The following VCPIP1 variants were observed in gnomAD, a reference collection of about 807,000 sequenced individuals.
VCPIP1 encodes valosin containing protein interacting protein 1.
Under a neutral mutation model 85.0 loss-of-function variants are expected in VCPIP1, and 8 were observed. The ratio of observed to expected loss-of-function variants is 0.09; its 90% confidence interval spans 0.06 to 0.17. The LOEUF (loss-of-function observed/expected upper bound fraction) is 0.17. VCPIP1 is among the 10% of genes least tolerant of loss of function. The pLI is 1.00. For synonymous variants in VCPIP1, 543 were observed against 544.5 expected (o/e 1.00, Z 0.04); for missense variants, 1,070 against 1,486.3 (o/e 0.72, Z 4.61).
At chr8:66,637,466 A>G in intron 2 of VCPIP1, among the ~76,000 whole-genome samples, 1 of 138,036 alleles carries the variant, frequency 7.2e-6, no homozygotes. Flanking sequence ...GGCCTGGGCA[A>G]CAGAGCAAGA....
chr8:66,667,062 A>G lies in VCPIP1; in HGVS notation c.-104T>C. 7.1e-7 allele frequency: 1 copy of G among 1,410,248 alleles called. No individual in the cohort carries two copies. Among genetic ancestry groups the G allele is most frequent in the Non-Finnish European group, 9.2e-7 (1 of 1,085,576 alleles). The allele number at this position is 1,410,248 out of a possible 1,614,324, so 87.4% of individuals were successfully genotyped here. On this transcript the variant is annotated 5_prime_UTR_variant, in exon 1 of 3. Transcript: ENST00000310421. ...TCGGTCCAGTCCAGGCCCAGGGCGA[A>G]GCACTTTCCTTTCCCTACCAGCTCT...
rs768790959 is a variant in VCPIP1 at position 66,632,681 on chromosome 8, A to C, written c.*1820T>G. The C allele has an allele frequency of 4.6e-5, 7 of 152,158 alleles. No individual in the cohort carries two copies. The highest frequency in any genetic ancestry group is 2.1e-4 in the South Asian group (1 of 4,826). 9.4% of individuals were successfully genotyped at this position (152,158 alleles called of 1,614,324 possible). A position where few individuals can be genotyped will look rare whatever the true frequency, so the allele number is the denominator to read the frequency against. Reference sequence around the variant, plus strand: ...AGTTTTCCTGTATTTAAATCCCCCCAAAAAAAGTTCCAGTGGCTGAAAAAG... The same window carrying C: ...AGTTTTCCTGTATTTAAATCCCCCCCAAAAAAGTTCCAGTGGCTGAAAAAG... On this transcript the variant is annotated 3_prime_UTR_variant, in exon 3 of 3. Coordinates refer to ENST00000310421, the MANE Select transcript of VCPIP1 (RefSeq NM_025054.5).
chr8:66,649,362 A>C (rs1209917240), intron 2 of VCPIP1, among the ~76,000 whole-genome samples: 1 of 151,944 alleles, frequency 6.6e-6, no homozygotes, highest in African/African-American at 2.4e-5. Context: ...AATACAAAAA[A>C]TTAGCTGGGC....
At position 66,635,141 on chromosome 8, in the gene VCPIP1, C is replaced by A; in HGVS notation, c.3029G>T (p.Gly1010Val). 6.2e-7 allele frequency: 1 copy of A among 1,614,160 alleles called. No homozygotes were observed. Among genetic ancestry groups the A allele is most frequent in the Non-Finnish European group, 8.5e-7 (1 of 1,180,024 alleles). Residue 1010 changes from glycine to valine, a missense_variant, in exon 3 of 3, where the codon GGA becomes GTA. Gly to Val is a moderately radical substitution (Grantham distance 109, BLOSUM62 -3). Around this residue, in one of 8 missense-constraint regions of VCPIP1, gnomAD observed 255 missense variants for 289.5 expected, o/e 0.88. Transcript: ENST00000310421. ...SHGLLKLGSG[G>V]VVKKKSEQLH... is the part of the protein sequence containing the mutation. ...TTGCTCAGATTTCTTTTTCACTACT[C>A]CACCACTACCTAGTTTTAATAGCCC...
At chr8:66,652,438 A>G (rs1362293160) in intron 1 of VCPIP1, among the ~76,000 whole-genome samples, 3 of 151,994 alleles carry the variant, frequency 2.0e-5, no homozygotes, top group African/African-American at 7.2e-5. Context: ...ACATGGTGAA[A>G]CCCTGTCTCT....
At chr8:66,635,408 C>G (rs771149607) in intron 2 of VCPIP1, 36 bp from the exon 3 acceptor site, 2 of 1,533,632 alleles carry the variant, frequency 1.3e-6, no homozygotes, top group South Asian at 2.5e-5. Context: ...ATATTAAAAT[C>G]TTAAGGTATT....
At chr8:66,660,868 A>ACT (rs1012739157) in intron 1 of VCPIP1, among the ~76,000 whole-genome samples, 1 of 151,918 alleles carries the variant, frequency 6.6e-6, no homozygotes, top group Non-Finnish European at 1.5e-5. Flanking sequence ...ACATGGAGAA[A>ACT]CTCTCTCTCT....
rs1339502009 is a variant in VCPIP1, at chr8:66,634,269, G to A, written c.*232C>T. On this transcript the variant is annotated 3_prime_UTR_variant, in exon 3 of 3. Transcript: ENST00000310421. ...CAATGAACCACATATATGGAAGAAA[G>A]TCATCTCAGCAGATCTAACAGCTAA... The A allele has an allele frequency of 1.3e-5, 5 of 381,018 alleles. No homozygotes were observed. The highest frequency in any genetic ancestry group is 2.3e-5 in the Non-Finnish European group (5 of 216,750). 23.6% of individuals were successfully genotyped at this position (381,018 alleles called of 1,614,324 possible). A position where few individuals can be genotyped will look rare whatever the true frequency, so the allele number is the denominator to read the frequency against.
At chr8:66,656,071 T>C (rs1811097143) in intron 1 of VCPIP1, among the ~76,000 whole-genome samples, 1 of 152,158 alleles carries the variant, frequency 6.6e-6, no homozygotes, top group African/African-American at 2.4e-5. Flanking sequence ...GTTTAAAATA[T>C]GTTAAAATAC....
intron 1 of VCPIP1, among the ~76,000 whole-genome samples, chr8:66,664,017 A>T (rs1366179650): frequency 6.6e-6 from 1 of 152,258 alleles, no homozygotes; most frequent in Non-Finnish European, 1.5e-5. Flanking sequence ...ATATTTAAAT[A>T]ATCTGTTGAC....
chr8:66,661,440 T>A (rs574177266), intron 1 of VCPIP1, among the ~76,000 whole-genome samples: 1 of 152,046 alleles, frequency 6.6e-6, no homozygotes, highest in Non-Finnish European at 1.5e-5. Flanking sequence ...ATTTTCATTA[T>A]GAAATATATT....
chr8:66,641,381 T>C (rs536829569), intron 2 of VCPIP1, among the ~76,000 whole-genome samples: 5 of 152,332 alleles, frequency 3.3e-5, no homozygotes, highest in African/African-American at 7.2e-5. Flanking sequence ...ATATAGTTTT[T>C]TTTTTTAGAG....
In VCPIP1 at chr8:66,658,132, G is replaced by A. The variant is rs1811117834; in HGVS notation, c.2710+6117C>T. Among the ~76,000 whole-genome samples, 3 of 151,968 alleles carry A rather than the reference G, an allele frequency of 2.0e-5. No homozygotes were observed. In the South Asian group the frequency reaches 6.2e-4, roughly 32 times the overall value. ...GGGCGGATCACGAGGTCAGGAGTTC[G>A]AGACCAGCCCAGCCAACATGGTGAA... is the stretch of plus-strand genomic sequence containing the variant. On this transcript the variant is annotated intron_variant, in intron 1 of 2. Coordinates refer to ENST00000310421, the MANE Select transcript of VCPIP1 (RefSeq NM_025054.5).
At chr8:66,659,288 T>C (rs1466439067) in intron 1 of VCPIP1, among the ~76,000 whole-genome samples, 1 of 151,558 alleles carries the variant, frequency 6.6e-6, no homozygotes, top group East Asian at 1.9e-4. Flanking sequence ...CCGCACCAGG[T>C]CTACAAGAAA....
intron 2 of VCPIP1, among the ~76,000 whole-genome samples, chr8:66,643,449 C>T (rs1400353642): frequency 6.6e-6 from 1 of 152,148 alleles, no homozygotes; most frequent in East Asian, 1.9e-4. Context: ...TGCCTGTAAT[C>T]TCAGCACTTT....
At position 66,666,836 on chromosome 8, in the gene VCPIP1, G is replaced by C; in HGVS notation, c.123C>G (p.Asp41Glu). The C allele has an allele frequency of 6.2e-7, 1 of 1,613,724 alleles. No homozygotes were observed. Among genetic ancestry groups the C allele is most frequent in the Middle Eastern group, 1.7e-4 (1 of 6,046 alleles). ...AASGGLLKRR[D>E]RRILSGSCPD... ...GGCAGCTCCCGGAAAGGATTCTCCG[G>C]TCTCTCCGCTTCAAAAGCCCCCCCG... Residue 41 changes from aspartate to glutamate, a missense_variant, in exon 1 of 3, where the codon GAC (aspartate) becomes GAG (glutamate). Transcript: ENST00000310421. The surrounding 1 kb of genome is among the most constrained non-coding windows in gnomAD (Gnocchi z 6.3).
intron 2 of VCPIP1, among the ~76,000 whole-genome samples, chr8:66,648,431 A>C (rs1437889887): frequency 5.9e-5 from 9 of 152,126 alleles, no homozygotes; most frequent in Non-Finnish European, 1.0e-4. Flanking sequence ...CTAATTGATC[A>C]TTTATCTAAT....
Position 66,665,249 on chromosome 8 carries a change from G to A in VCPIP1, c.1710C>T (p.Gly570=). 6.2e-7 allele frequency: 1 copy of A among 1,614,128 alleles called. No individual in the cohort carries two copies. The highest frequency in any genetic ancestry group is 8.5e-7 in the Non-Finnish European group (1 of 1,180,018). Residue 570 remains glycine, a synonymous_variant, in exon 1 of 3, where the codon GGC becomes GGT. Transcript: ENST00000310421. This position sits in a 1 kb window ranked among gnomAD's most constrained non-coding sequence, Gnocchi z 4.3. ...AGTGTTTGAATCCACAACCACATTTGCCACCAGTGGACCTAGAATTAGTTC... is the reference window on the plus strand; with the variant it reads ...AGTGTTTGAATCCACAACCACATTTACCACCAGTGGACCTAGAATTAGTTC... ...GDRTNSRSTG[G]KCGCGFKHFW...
chr8:66,658,520 C>T (rs1811122219), intron 1 of VCPIP1, among the ~76,000 whole-genome samples: 1 of 151,662 alleles, frequency 6.6e-6, no homozygotes, highest in African/African-American at 2.4e-5. Flanking sequence ...GACAGAGTCT[C>T]ACTCTGTCAC....
Sources: gnomAD v4.1 joint callset for allele counts (sites outside exome capture counted in the v4.1 genomes callset) on GRCh38, gnomAD v4.1.1 for gene constraint, gnomAD v4.1.1 regional missense constraint, Gnocchi (gnomAD v3.1) non-coding constraint, MANE v1.5 for transcripts, NCBI Gene and HGNC (gene_info 2026-07-23, HGNC 2026-07-21) for gene names.